Variants in SNX29 observed in about 807,000 individuals in gnomAD.
The protein encoded by SNX29 is sorting nexin 29.
In SNX29, 78 loss-of-function variants were observed where a neutral mutation model predicts 102.1. The observed-to-expected ratio is 0.76, with a 90% CI of 0.64 to 0.92. The LOEUF is 0.92. SNX29 is among the 40% of genes least tolerant of loss of function. The pLI is 0.00. For synonymous variants in SNX29, 580 were observed against 414.5 expected (o/e 1.40, Z -4.85); for missense variants, 1,280 against 1,061.7 (o/e 1.21, Z -2.86).
rs1203998180 is a variant in SNX29, at chr16:12,098,270, A to G, written c.1402+19355A>G. Reference sequence around the variant, plus strand: ...ATTTGTATTTAAATTTTTGTTTTGCATAAGTATATATTTACATGGAACAAA... The same window carrying G: ...ATTTGTATTTAAATTTTTGTTTTGCGTAAGTATATATTTACATGGAACAAA... On this transcript the variant is annotated intron_variant, in intron 11 of 20. Transcript: ENST00000566228. This position sits in a 1 kb window ranked among gnomAD's most constrained non-coding sequence, Gnocchi z 6.0. Among the ~76,000 whole-genome samples, 2 of 152,066 alleles carry G rather than the reference A, an allele frequency of 1.3e-5. No individual in the cohort carries two copies. Among genetic ancestry groups the G allele is most frequent in the East Asian group, 1.9e-4 (1 of 5,194 alleles).
At chr16:12,053,278 C>G (rs566645687) in intron 8 of SNX29, 1 of 145,530 alleles carries the variant, frequency 6.9e-6, no homozygotes, top group African/African-American at 2.6e-5. Flanking sequence ...GAGAGAAGGT[C>G]CTTCTCAAAA....
chr16:12,354,737 A>C (rs2082083583), intron 15 of SNX29, among the ~76,000 whole-genome samples: 1 of 152,216 alleles, frequency 6.6e-6, no homozygotes, highest in Non-Finnish European at 1.5e-5. Flanking sequence ...AGGCATTATT[A>C]GCAGTACTGT....
At chr16:12,272,707 T>C (rs1360973701) in intron 14 of SNX29, among the ~76,000 whole-genome samples, 2 of 152,140 alleles carry the variant, frequency 1.3e-5, no homozygotes, top group Non-Finnish European at 1.5e-5. Context: ...TTAGCTTTAT[T>C]ACAAAAGACA....
rs1047083577 is a variant in SNX29 at position 12,569,926 on chromosome 16, G to A, written c.*1297G>A. 4.3e-6 allele frequency: 1 copy of A among 232,718 alleles called. No individual in the cohort carries two copies. Among genetic ancestry groups the A allele is most frequent in the Non-Finnish European group, 8.5e-6 (1 of 117,888 alleles). The allele number at this position is 232,718 out of a possible 1,614,324, so 14.4% of individuals were successfully genotyped here. On this transcript the variant is annotated 3_prime_UTR_variant, in exon 21 of 21. Transcript: ENST00000566228. ...GAGGCAGAGACACAGCAGAACCTGA[G>A]GAGAAAAGCAGGTGGAAGGTGACGG...
At chr16:12,566,687 C>G (rs925900900) in intron 20 of SNX29, among the ~76,000 whole-genome samples, 1 of 75,096 alleles carries the variant, frequency 1.3e-5, no homozygotes, top group Non-Finnish European at 2.7e-5. Context: ...TAAAGAGGCT[C>G]TTCGTAAGTG....
chr16:12,299,299 CAAAA>C (rs565771920), intron 15 of SNX29, among the ~76,000 whole-genome samples: 1 of 143,666 alleles, frequency 7.0e-6, no homozygotes, highest in Admixed American at 6.9e-5. Context: ...GACTCCGTCT[CAAAA>C]AAAAAAAATT....
At chr16:12,555,373 C>G (rs955325334) in intron 20 of SNX29, among the ~76,000 whole-genome samples, 11 of 152,058 alleles carry the variant, frequency 7.2e-5, no homozygotes, top group Non-Finnish European at 4.4e-5. Context: ...CCATGAGGCG[C>G]TCCCTGTCTT....
rs145137732 is a variant in SNX29, at chr16:12,538,381, C to T, written c.2318+13540C>T. Among the ~76,000 whole-genome samples the T allele has an allele frequency of 1.5e-3, 233 of 152,284 alleles. 3 individuals carry two copies. The highest frequency in any genetic ancestry group is 3.4e-3 in the African/African-American group (143 of 41,554). ...CTGACATTACAGGCGTGAGCCACCG[C>T]GCCCGGCCTCCCCTTGCACTTTTAA... On this transcript the variant is annotated intron_variant, in intron 20 of 20. Coordinates refer to ENST00000566228, the MANE Select transcript of SNX29 (RefSeq NM_032167.5).
In SNX29 at chr16:12,569,941, G is replaced by C. The variant is rs2079151288; in HGVS notation, c.*1312G>C. 5.6e-5 allele frequency: 13 copies of C among 233,214 alleles called. No homozygotes were observed. The East Asian group carries it at 7.9e-4, about 14-fold the overall frequency. 14.4% of individuals were successfully genotyped at this position (233,214 alleles called of 1,614,324 possible). A position where few individuals can be genotyped will look rare whatever the true frequency, so the allele number is the denominator to read the frequency against. On this transcript the variant is annotated 3_prime_UTR_variant, in exon 21 of 21. Coordinates refer to ENST00000566228, the MANE Select transcript of SNX29 (RefSeq NM_032167.5). ...CAGAACCTGAGGAGAAAAGCAGGTG[G>C]AAGGTGACGGTTAGATGGTAAGCCA...
intron 11 of SNX29, among the ~76,000 whole-genome samples, chr16:12,083,314 A>AAC (rs2052002619): frequency 6.6e-6 from 1 of 151,720 alleles, no homozygotes; most frequent in Non-Finnish European, 1.5e-5. Flanking sequence ...TCAAAAAAAA[A>AAC]AAAAACCCCT....
chr16:12,227,154 T>A (rs77758424), intron 14 of SNX29, among the ~76,000 whole-genome samples: 1 of 140,068 alleles, frequency 7.1e-6, no homozygotes, highest in African/African-American at 2.7e-5. Context: ...GCGGATTGGG[T>A]GCTGCTTTTC....
At chr16:12,036,111 G>T (rs1400685201) in intron 4 of SNX29, among the ~76,000 whole-genome samples, 2 of 152,018 alleles carry the variant, frequency 1.3e-5, no homozygotes, top group East Asian at 3.9e-4. Flanking sequence ...GCCTTGCTCT[G>T]TTAACTAGGC....
chr16:12,006,016 T>G (rs1459011790), intron 3 of SNX29, among the ~76,000 whole-genome samples: 1 of 152,138 alleles, frequency 6.6e-6, no homozygotes, highest in Non-Finnish European at 1.5e-5. Context: ...AACTGTTGTT[T>G]ATGGCTAAAA....
intron 19 of SNX29, among the ~76,000 whole-genome samples, chr16:12,500,635 C>G (rs2089072205): frequency 6.6e-6 from 1 of 152,242 alleles, no homozygotes; most frequent in Non-Finnish European, 1.5e-5. Flanking sequence ...TATCATCTGT[C>G]TATTCTTTCT....
chr16:12,241,061 T>A (rs772686808), intron 14 of SNX29, among the ~76,000 whole-genome samples: 8 of 152,216 alleles, frequency 5.3e-5, no homozygotes, highest in Non-Finnish European at 8.8e-5. Flanking sequence ...GGGAACAAGT[T>A]TCTGCTTGCT....
intron 10 of SNX29, among the ~76,000 whole-genome samples, chr16:12,075,749 T>G (rs1285519546): frequency 6.6e-6 from 1 of 152,204 alleles, no homozygotes; most frequent in African/African-American, 2.4e-5. Context: ...TTTTTGTTTG[T>G]CTGTGCCCTG....
chr16:12,553,089 C>T (rs913490037), intron 20 of SNX29, among the ~76,000 whole-genome samples: 7 of 152,056 alleles, frequency 4.6e-5, no homozygotes, highest in East Asian at 3.9e-4. Context: ...GCATATAGTT[C>T]AGGCTTGGCC....
chr16:12,548,962 A>G (rs952745265), intron 20 of SNX29, among the ~76,000 whole-genome samples: 21 of 152,186 alleles, frequency 1.4e-4, no homozygotes, highest in Admixed American at 3.9e-4. Context: ...CTCTCAAGCA[A>G]CAGCACAAGT....
At chr16:12,341,689 G>A (rs1270453982) in intron 15 of SNX29, among the ~76,000 whole-genome samples, 2 of 152,214 alleles carry the variant, frequency 1.3e-5, no homozygotes, top group African/African-American at 4.8e-5. Flanking sequence ...AAGGGATGGT[G>A]CAGGGTCACA....
Sources: gnomAD v4.1 joint callset for allele counts (sites outside exome capture counted in the v4.1 genomes callset) on GRCh38, gnomAD v4.1.1 for gene constraint, Gnocchi (gnomAD v3.1) non-coding constraint, MANE v1.5 for transcripts, NCBI Gene and HGNC (gene_info 2026-07-23, HGNC 2026-07-21) for gene names.